The following WASF1 variants were observed in gnomAD, a reference collection of about 807,000 sequenced individuals.
The protein encoded by WASF1 is WASP family member 1, also known as actin-binding protein WASF1.
In WASF1, 7 loss-of-function variants were observed where a neutral mutation model predicts 50.5. The ratio of observed to expected loss-of-function variants is 0.14; its 90% confidence interval spans 0.08 to 0.26. The LOEUF is 0.26. Ranked by LOEUF, WASF1 falls within the 10% of genes least tolerant of loss-of-function variation. The pLI is 1.00. For synonymous variants in WASF1, 205 were observed against 244.0 expected (o/e 0.84, Z 1.49); for missense variants, 470 against 694.7 (o/e 0.68, Z 3.64).
chr6:110,164,302 T>C (rs1370798770), intron 2 of WASF1, among the ~76,000 whole-genome samples: 3 of 151,636 alleles, frequency 2.0e-5, no homozygotes, highest in Non-Finnish European at 4.4e-5. Context: ...TGCAAAAGAC[T>C]AATAAAAGAC....
chr6:110,113,287 A>G, intron 5 of WASF1, 39 bp downstream of exon 5: 2 of 1,455,514 alleles, frequency 1.4e-6, no homozygotes, highest in Non-Finnish European at 1.8e-6. Flanking sequence ...CTAACTTAAA[A>G]TATATACGTA....
intron 2 of WASF1, among the ~76,000 whole-genome samples, chr6:110,178,114 T>C (rs1382015778): frequency 6.6e-6 from 1 of 152,012 alleles, no homozygotes; most frequent in Non-Finnish European, 1.5e-5. Context: ...AATTAGGGAA[T>C]GACTGATATG....
chr6:110,105,765 CCA>C (rs1385912484), intron 7 of WASF1, among the ~76,000 whole-genome samples, 186 bp from the exon 8 acceptor site: 1 of 152,128 alleles, frequency 6.6e-6, no homozygotes, highest in African/African-American at 2.4e-5. Context: ...TGCTGTAATC[CCA>C]GTTTCCTGCC....
chr6:110,109,142 TA>T (rs1227995116), intron 5 of WASF1, among the ~76,000 whole-genome samples: 1 of 152,208 alleles, frequency 6.6e-6, no homozygotes, highest in Non-Finnish European at 1.5e-5. Flanking sequence ...CTATGCTACA[TA>T]TACTATAAAT....
intron 2 of WASF1, among the ~76,000 whole-genome samples, chr6:110,169,893 A>G (rs1179404074): frequency 1.3e-5 from 2 of 152,174 alleles, no homozygotes; most frequent in Non-Finnish European, 2.9e-5. Flanking sequence ...TTAAGAAACC[A>G]AACAGCAAAT....
chr6:110,128,026 T>C (rs1271129847), intron 3 of WASF1, among the ~76,000 whole-genome samples: 1 of 152,142 alleles, frequency 6.6e-6, no homozygotes, highest in African/African-American at 2.4e-5. Flanking sequence ...TGGTCAACAG[T>C]AGTCTATAAG....
intron 3 of WASF1, among the ~76,000 whole-genome samples, chr6:110,134,037 G>A (rs1774825928): frequency 6.6e-6 from 1 of 152,102 alleles, no homozygotes; most frequent in South Asian, 2.1e-4. Flanking sequence ...AAGGTGGAGA[G>A]CAGTGGCATG....
At chr6:110,104,767 C>T (rs1248931298) in intron 8 of WASF1, among the ~76,000 whole-genome samples, 4 of 152,130 alleles carry the variant, frequency 2.6e-5, no homozygotes, top group African/African-American at 4.8e-5. Flanking sequence ...CCACCCTGGG[C>T]GATAGAGCAA....
intron 3 of WASF1, among the ~76,000 whole-genome samples, chr6:110,141,082 A>G (rs1016090435): frequency 1.3e-5 from 2 of 152,112 alleles, no homozygotes; most frequent in Non-Finnish European, 2.9e-5. Flanking sequence ...GCCATGGTTG[A>G]CCACTGGTAA....
At chr6:110,124,241 T>TCTCTCC (rs1774294445) in intron 4 of WASF1, among the ~76,000 whole-genome samples, 4 of 32,746 alleles carry the variant, frequency 1.2e-4, no homozygotes, top group East Asian at 2.8e-3. Flanking sequence ...CTCTCCTCTC[T>TCTCTCC]CTCTCTCTCT....
intron 4 of WASF1, among the ~76,000 whole-genome samples, chr6:110,119,396 A>G (rs1773977821): frequency 6.6e-6 from 1 of 152,250 alleles, no homozygotes; most frequent in South Asian, 2.1e-4. Flanking sequence ...CTACCATCAG[A>G]GAATACTATA....
intron 2 of WASF1, among the ~76,000 whole-genome samples, chr6:110,163,937 A>C (rs956672846): frequency 4.0e-5 from 6 of 151,676 alleles, no homozygotes; most frequent in African/African-American, 1.4e-4. Flanking sequence ...TTTGACAAAG[A>C]AGCAAAGACA....
chr6:110,149,241 T>C (rs577078345), intron 3 of WASF1, among the ~76,000 whole-genome samples: 1 of 152,116 alleles, frequency 6.6e-6, no homozygotes, highest in Non-Finnish European at 1.5e-5. Context: ...CATTATTCTG[T>C]ATGGCATATG....
intron 3 of WASF1, among the ~76,000 whole-genome samples, chr6:110,150,503 A>C (rs1445687257): frequency 6.6e-6 from 1 of 152,176 alleles, no homozygotes; most frequent in Admixed American, 6.5e-5. Context: ...CCACATTTCA[A>C]GTGCTCAATA....
intron 6 of WASF1, among the ~76,000 whole-genome samples, chr6:110,108,107 A>C (rs1054463874): frequency 1.4e-5 from 2 of 144,760 alleles, no homozygotes; most frequent in African/African-American, 5.2e-5. Flanking sequence ...AGCTTGCAGT[A>C]AGCCTAGGTG....
At chr6:110,150,219 A>G (rs12665178) in intron 3 of WASF1, among the ~76,000 whole-genome samples, 11,072 of 152,236 alleles carry the variant, frequency 0.073, 548 homozygotes, top group African/African-American at 0.14. Context: ...AAGAAGTAAA[A>G]TAGCTTCACC....
chr6:110,104,651 T>C (rs887192065), intron 8 of WASF1, among the ~76,000 whole-genome samples: 56 of 152,140 alleles, frequency 3.7e-4, no homozygotes, highest in South Asian at 1.5e-3. Context: ...TAGCTGGGCG[T>C]GGTGGCGTGT....
chr6:110,101,439 G>A (rs528863754), intron 10 of WASF1, 149 bp downstream of exon 10: 6 of 902,916 alleles, frequency 6.6e-6, no homozygotes, highest in Non-Finnish European at 9.5e-6. Flanking sequence ...TTAAATATAA[G>A]TTGGATATAG....
chr6:110,161,148 G>A (rs769051513), intron 2 of WASF1, among the ~76,000 whole-genome samples: 1 of 151,322 alleles, frequency 6.6e-6, no homozygotes, highest in East Asian at 1.9e-4. Flanking sequence ...ATAAAAAAGC[G>A]GTATTCTAAA....
Sources: allele counts gnomAD v4.1 joint callset (sites outside exome capture counted in the v4.1 genomes callset), GRCh38; gene constraint gnomAD v4.1.1; transcripts MANE v1.5; gene names NCBI Gene and HGNC (gene_info 2026-07-23, HGNC 2026-07-21).